Variants in CD72 observed in about 807,000 individuals in gnomAD.
CD72 encodes CD72 molecule.
A neutral mutation model predicts 50.7 loss-of-function variants in CD72; 28 were observed. The ratio of observed to expected loss-of-function variants is 0.55; its 90% CI spans 0.41 to 0.76. CD72 has a LOEUF of 0.76. CD72 is among the 30% of genes least tolerant of loss of function. The pLI is 0.00. For synonymous variants in CD72, 176 were observed against 171.2 expected, an observed-to-expected ratio of 1.03 and a Z score of -0.22; for missense variants, 403 against 420.6, an observed-to-expected ratio of 0.96 and a Z score of 0.37.
At chr9:35,630,381 A>C (rs1388186011) in intron 1 of CD72, among the ~76,000 whole-genome samples, 1 of 152,100 alleles carries the variant, frequency 6.6e-6, no homozygotes, top group Non-Finnish European at 1.5e-5. Flanking sequence ...TTTCCCTATC[A>C]AAATCTTTGT....
chr9:35,640,625 C>T (rs1192076775), intron 1 of CD72, among the ~76,000 whole-genome samples: 5 of 152,208 alleles, frequency 3.3e-5, no homozygotes, highest in Non-Finnish European at 5.9e-5. Context: ...AGACACCCTG[C>T]CGGATCTGGA....
chr9:35,625,720 G>T (rs1823189972), intron 1 of CD72, among the ~76,000 whole-genome samples: 3 of 152,188 alleles, frequency 2.0e-5, no homozygotes, highest in African/African-American at 7.2e-5. Context: ...GCAGCTCGTG[G>T]CTTTAAGGTG....
chr9:35,617,357 T>C lies in CD72; in HGVS notation c.191-110A>G, dbSNP rs142332624. 539 of 1,261,140 alleles carry C rather than the reference T, an allele frequency of 4.3e-4. 6 individuals are homozygous for C. The East Asian group carries it at 0.012, about 29-fold the overall frequency. The allele number at this position is 1,261,140 out of a possible 1,614,324, so 78.1% of individuals were successfully genotyped here. A position where few individuals can be genotyped will look rare whatever the true frequency, so the allele number is the denominator to read the frequency against. On this transcript the variant is annotated intron_variant, in intron 2 of 8. Coordinates refer to ENST00000259633, the MANE Select transcript of CD72 (RefSeq NM_001782.3). ...TGGGAAACTCCAGTCTGCCCTACGT[T>C]GCCTGCTAGAGCTGCTCTGGGACAC...
intron 1 of CD72, among the ~76,000 whole-genome samples, chr9:35,627,412 G>C (rs905966836): frequency 6.6e-6 from 1 of 151,932 alleles, no homozygotes; most frequent in Non-Finnish European, 1.5e-5. Context: ...TTACAGGCGA[G>C]AGCCACTGCG....
chr9:35,641,324 G>A (rs1404512054), intron 1 of CD72, among the ~76,000 whole-genome samples: 2 of 152,142 alleles, frequency 1.3e-5, no homozygotes, highest in African/African-American at 2.4e-5. Context: ...TTTCAATTCT[G>A]GAAGAGACAA....
At position 35,618,202 on chromosome 9, in the gene CD72, G is replaced by C. The variant is rs756286933; in HGVS notation, c.82+20C>G. On this transcript the variant is annotated intron_variant, in intron 1 of 8. Transcript: ENST00000259633. ...GGGAAGTGGGGATGCAGGATCAAGGGGAGGCCTCATCCCCCTTACCCTGTC... is the reference window on the plus strand; with the variant it reads ...GGGAAGTGGGGATGCAGGATCAAGGCGAGGCCTCATCCCCCTTACCCTGTC... 1 of 1,611,082 alleles carries C rather than the reference G, an allele frequency of 6.2e-7. No individual in the cohort carries two copies. Among genetic ancestry groups the C allele is most frequent in the South Asian group, 1.1e-5 (1 of 91,010 alleles).
intron 1 of CD72, chr9:35,646,160 C>CA (rs529491718): frequency 3.8e-4 from 55 of 143,120 alleles, no homozygotes; most frequent in African/African-American, 5.4e-4. Context: ...GACTTCGCCT[C>CA]AAAAAAAAAG....
chr9:35,644,350 CAA>C (rs74176726), intron 1 of CD72, among the ~76,000 whole-genome samples: 58 of 68,172 alleles, frequency 8.5e-4, no homozygotes, highest in Middle Eastern at 9.1e-3. Context: ...AACTCTGTCT[CAA>C]AAAAAAAAAA....
At chr9:35,641,605 T>C (rs953128441) in intron 1 of CD72, among the ~76,000 whole-genome samples, 13 of 152,238 alleles carry the variant, frequency 8.5e-5, no homozygotes, top group Admixed American at 2.0e-4. Context: ...GAGGAAACTA[T>C]GTCTTCTTGA....
In CD72 at chr9:35,610,089, G is replaced by T; in HGVS notation, c.*234C>A. The T allele has an allele frequency of 3.8e-6, 1 of 263,124 alleles. No individual in the cohort carries two copies. Among genetic ancestry groups the T allele is most frequent in the East Asian group, 8.0e-5 (1 of 12,482 alleles). The allele number at this position is 263,124 out of a possible 1,614,324, so 16.3% of individuals were successfully genotyped here. On this transcript the variant is annotated 3_prime_UTR_variant, in exon 9 of 9. Transcript: ENST00000259633. ...CCCCATTCTACCATGGGAAGTTCTT[G>T]GGGGGAGGCCAAAGTCCCTTCTAGA...
chr9:35,632,956 G>T (rs1354628834), intron 1 of CD72, among the ~76,000 whole-genome samples: 1 of 139,874 alleles, frequency 7.1e-6, no homozygotes, highest in Non-Finnish European at 1.6e-5. Flanking sequence ...TTTGAGACAG[G>T]GTGTGGCTCT....
chr9:35,634,673 C>T (rs1563899701), intron 1 of CD72, among the ~76,000 whole-genome samples: 1 of 152,086 alleles, frequency 6.6e-6, no homozygotes, highest in Non-Finnish European at 1.5e-5. Flanking sequence ...CTTTAGATTA[C>T]TTTCACTTCC....
chr9:35,610,893 GT>G, intron 7 of CD72, 140 bp from the exon 8 acceptor site: 3 of 577,092 alleles, frequency 5.2e-6, no homozygotes. Flanking sequence ...CAGGACAGAT[GT>G]CTGGAGTTCA....
chr9:35,618,898 G>T, upstream of CD72: 1 of 504,352 alleles, frequency 2.0e-6, no homozygotes, highest in Non-Finnish European at 3.3e-6. Flanking sequence ...GAAGAGCCAT[G>T]GCTGCAGCAC....
chr9:35,617,799 C>T (rs1311330563), intron 2 of CD72, among the ~76,000 whole-genome samples: 4 of 152,156 alleles, frequency 2.6e-5, no homozygotes, highest in Admixed American at 6.5e-5. Context: ...GGCATGGGGG[C>T]GCACGCCTGC....
chr9:35,631,092 A>G (rs1455325882), intron 1 of CD72, among the ~76,000 whole-genome samples: 1 of 152,176 alleles, frequency 6.6e-6, no homozygotes, highest in Non-Finnish European at 1.5e-5. Context: ...TTGTAACTCT[A>G]AATTGAAACT....
At chr9:35,612,805 C>G (rs367617911) in intron 6 of CD72, 43 bp downstream of exon 6, 21 of 1,593,324 alleles carry the variant, frequency 1.3e-5, no homozygotes, top group Non-Finnish European at 1.7e-5. Context: ...TGTCCCTTTA[C>G]CTAATAGTAC....
Position 35,614,652 on chromosome 9 carries a change from G to A in CD72, c.688+1291C>T, listed in dbSNP as rs376813197. Among the ~76,000 whole-genome samples the A allele has an allele frequency of 5.7e-4, 87 of 152,258 alleles. 1 individual carries two copies. The highest frequency in any genetic ancestry group is 2.0e-3 in the African/African-American group (82 of 41,552). On this transcript the variant is annotated intron_variant, in intron 5 of 8. Transcript: ENST00000259633. The stretch of plus-strand genomic sequence containing the variant: ...CTTGATGCTGACCATGGGCAGTTGG[G>A]TTCATCCAGAGTTCAAATTTTGCCC...
Position 35,615,986 on chromosome 9 carries a change from GT to G in CD72, c.644del (p.Asn215ThrfsTer6). Reference protein sequence around the residue: ...QRRALEQKLSNMENRLKPFFT... With the variant: ...QRRALEQKLSXMENRLKPFFT... ...AGAAGGGCTTCAGTCTGTTCTCCAT[GT>G]TGCTCAGCTTCTGCTCCAAGGCCCT... On this transcript the variant is annotated frameshift_variant, in exon 5 of 9. Coordinates refer to ENST00000259633, the MANE Select transcript of CD72 (RefSeq NM_001782.3). LOFTEE classifies it high-confidence loss of function. 6.2e-7 allele frequency: 1 copy of G among 1,613,918 alleles called. No homozygotes were observed. The highest frequency in any genetic ancestry group is 8.5e-7 in the Non-Finnish European group (1 of 1,179,992).
Sources: gnomAD v4.1 joint callset for allele counts (sites outside exome capture counted in the v4.1 genomes callset) on GRCh38, gnomAD v4.1.1 for gene constraint, MANE v1.5 for transcripts, NCBI Gene and HGNC (gene_info 2026-07-23, HGNC 2026-07-21) for gene names.